The following AGBL4 variants were observed in gnomAD, a reference collection of about 807,000 sequenced individuals.
The protein encoded by AGBL4 is AGBL carboxypeptidase 4.
AGBL4 carries 58 observed loss-of-function variants against 66.4 expected under a neutral mutation model. That is an observed-to-expected ratio of 0.87 (90% CI 0.71 to 1.09). The LOEUF is 1.09. Ranked by LOEUF, AGBL4 falls within the 50% of genes least tolerant of loss-of-function variation. AGBL4 has a pLI of 0.00. For missense variants in AGBL4, 579 were observed against 631.0 expected, an observed-to-expected ratio of 0.92 and a Z score of 0.88; for synonymous variants, 234 against 222.9, an observed-to-expected ratio of 1.05 and a Z score of -0.44.
At chr1:48,850,966 G>A (rs1465377869) in intron 6 of AGBL4, among the ~76,000 whole-genome samples, 1 of 152,064 alleles carries the variant, frequency 6.6e-6, no homozygotes, top group East Asian at 1.9e-4. Context: ...AGCTTCAATG[G>A]CAAAAATAGG....
intron 2 of AGBL4, among the ~76,000 whole-genome samples, chr1:49,824,300 G>A (rs566746022): frequency 6.6e-6 from 1 of 152,144 alleles, no homozygotes; most frequent in Non-Finnish European, 1.5e-5. Context: ...AAGATATACA[G>A]AGAAGTACAG....
At chr1:48,599,181 C>T (rs2148360914) in intron 9 of AGBL4, among the ~76,000 whole-genome samples, 1 of 152,286 alleles carries the variant, frequency 6.6e-6, no homozygotes, top group South Asian at 2.1e-4. Context: ...TCTCGTGGAA[C>T]ACTTCCTGAA....
intron 6 of AGBL4, chr1:48,776,583 T>G: frequency 7.8e-7 from 1 of 1,289,682 alleles, no homozygotes; most frequent in Non-Finnish European, 1.0e-6. Context: ...GGTCCCACCG[T>G]CCCTCCCCGC....
At chr1:49,253,760 A>C (rs562362079) in intron 3 of AGBL4, among the ~76,000 whole-genome samples, 1 of 152,220 alleles carries the variant, frequency 6.6e-6, no homozygotes, top group African/African-American at 2.4e-5. Flanking sequence ...TGACGCAAAA[A>C]TCCTCAACAA....
intron 3 of AGBL4, among the ~76,000 whole-genome samples, chr1:49,564,306 T>G (rs1302788736): frequency 6.6e-6 from 1 of 152,212 alleles, no homozygotes; most frequent in Non-Finnish European, 1.5e-5. Flanking sequence ...CTCTATTTCC[T>G]TCAGTTCTGC....
At chr1:49,878,361 C>A (rs1404241427) in intron 1 of AGBL4, among the ~76,000 whole-genome samples, 1 of 149,322 alleles carries the variant, frequency 6.7e-6, no homozygotes, top group African/African-American at 2.5e-5. Context: ...TATGTTGTGT[C>A]TTTGTTCTCG....
intron 2 of AGBL4, among the ~76,000 whole-genome samples, chr1:49,815,496 T>G (rs188900494): frequency 2.0e-5 from 3 of 152,296 alleles, no homozygotes; most frequent in South Asian, 2.1e-4. Flanking sequence ...CAGATATATT[T>G]TTGATATACT....
chr1:48,650,076 T>C (rs1458079784), intron 8 of AGBL4, among the ~76,000 whole-genome samples: 1 of 152,232 alleles, frequency 6.6e-6, no homozygotes, highest in Non-Finnish European at 1.5e-5. Flanking sequence ...AACTGGCCTG[T>C]TGAACCATCT....
intron 4 of AGBL4, among the ~76,000 whole-genome samples, chr1:49,091,109 T>C (rs910180471): frequency 6.6e-6 from 1 of 152,110 alleles, no homozygotes; most frequent in African/African-American, 2.4e-5. Flanking sequence ...AAAACTTCAA[T>C]GTAAAACTTA....
At chr1:48,825,759 CAG>C (rs1194994030) in intron 6 of AGBL4, among the ~76,000 whole-genome samples, 3 of 152,160 alleles carry the variant, frequency 2.0e-5, no homozygotes, top group African/African-American at 7.2e-5. Context: ...GTGAAAAACT[CAG>C]AGCATCTAAG....
rs549295760 is a variant in AGBL4 at position 49,284,351 on chromosome 1, C to T, written c.283-38487G>A. The stretch of plus-strand genomic sequence containing the variant: ...AGATTTTGTCACCACCAGGCCTTCC[C>T]TAAAAGAGCTCCTGAAGGAAGCGCT... On this transcript the variant is annotated intron_variant, in intron 3 of 13. Coordinates refer to ENST00000371839, the MANE Select transcript of AGBL4 (RefSeq NM_032785.4). 2.8e-4 allele frequency among the ~76,000 whole-genome samples: 42 copies of T among 152,044 alleles called. No homozygotes were observed. The South Asian group carries it at 6.1e-3, about 22-fold the overall frequency.
At chr1:49,094,900 G>A (rs558159997) in intron 4 of AGBL4, among the ~76,000 whole-genome samples, 3 of 152,266 alleles carry the variant, frequency 2.0e-5, no homozygotes, top group African/African-American at 7.2e-5. Context: ...AATTGTCCCT[G>A]TCTGCAGATG....
chr1:48,634,435 T>C, intron 9 of AGBL4, 58 bp downstream of exon 9: 1 of 1,407,594 alleles, frequency 7.1e-7, no homozygotes. Flanking sequence ...AATACAATGC[T>C]GCCCTTTCCC....
intron 1 of AGBL4, among the ~76,000 whole-genome samples, chr1:49,886,007 G>A (rs1381091503): frequency 6.6e-6 from 1 of 152,018 alleles, no homozygotes. Flanking sequence ...CACAGTTGTG[G>A]GGAAAAAAAC....
At chr1:49,562,937 A>C (rs1644090009) in intron 3 of AGBL4, among the ~76,000 whole-genome samples, 1 of 152,126 alleles carries the variant, frequency 6.6e-6, no homozygotes, top group African/African-American at 2.4e-5. Context: ...CTTCCTACTC[A>C]TGAGCATGGA....
chr1:48,942,026 A>T (rs770165955), intron 5 of AGBL4, among the ~76,000 whole-genome samples: 21 of 152,192 alleles, frequency 1.4e-4, no homozygotes, highest in Non-Finnish European at 2.8e-4. Context: ...CAAGCAAATG[A>T]CTATTTTTCT....
chr1:48,757,365 T>C (rs1052449569), intron 6 of AGBL4, among the ~76,000 whole-genome samples: 3 of 152,260 alleles, frequency 2.0e-5, no homozygotes, highest in Non-Finnish European at 4.4e-5. Flanking sequence ...TTTGAGATTT[T>C]ATTTTAATAA....
At chr1:49,749,171 G>A (rs1651247396) in intron 2 of AGBL4, among the ~76,000 whole-genome samples, 1 of 152,050 alleles carries the variant, frequency 6.6e-6, no homozygotes, top group African/African-American at 2.4e-5. Flanking sequence ...AATCTATCTG[G>A]AGTTAATTTT....
At chr1:48,798,727 A>G (rs768099952) in intron 6 of AGBL4, among the ~76,000 whole-genome samples, 1 of 152,190 alleles carries the variant, frequency 6.6e-6, no homozygotes, top group South Asian at 2.1e-4. Flanking sequence ...ATTCTTCTAC[A>G]TGTGGCTTGC....
Sources: gnomAD v4.1 joint callset for allele counts (sites outside exome capture counted in the v4.1 genomes callset) on GRCh38, gnomAD v4.1.1 for gene constraint, MANE v1.5 for transcripts, NCBI Gene and HGNC (gene_info 2026-07-23, HGNC 2026-07-21) for gene names.